The following ZNF805 variants were observed in gnomAD, a reference collection of about 807,000 sequenced individuals.
ZNF805 encodes the protein CTC-444N24.8.
In ZNF805, 7 loss-of-function variants were observed where a neutral mutation model predicts 13.6. The ratio of observed to expected loss-of-function variants is 0.51; its 90% confidence interval spans 0.29 to 0.97. The LOEUF is 0.97. Among genes scored for constraint, ZNF805 ranks in the 50% least tolerant of loss-of-function variants. The probability of loss-of-function intolerance (pLI) is 0.08; values close to 1 mark genes in which losing one functional copy is unlikely to be tolerated. For synonymous variants in ZNF805, 293 were observed against 279.8 expected, an observed-to-expected ratio of 1.05 and a Z score of -0.47; for missense variants, 604 against 771.0, an observed-to-expected ratio of 0.78 and a Z score of 2.57.
intron 2 of ZNF805, among the ~76,000 whole-genome samples, chr19:57,245,651 T>A (rs7249763): frequency 6.7e-6 from 1 of 148,466 alleles, no homozygotes; most frequent in Non-Finnish European, 1.5e-5. Context: ...TGGTGGCGGG[T>A]GCCTGTAGTC....
rs2087671302 is a variant in ZNF805 at position 57,254,182 on chromosome 19, T to C, written c.1363T>C (p.Phe455Leu). 6.2e-7 allele frequency: 1 copy of C among 1,613,594 alleles called. No individual in the cohort carries two copies. The highest frequency in any genetic ancestry group is 8.5e-7 in the Non-Finnish European group (1 of 1,179,986). ...AAGGGCCCACACTGGAGAAAAACCT[T>C]TCGAGTGCAAAGAGTGTGGGAAAGC... ...HKRAHTGEKPFECKECGKAFS... is the reference protein window; with the variant it reads ...HKRAHTGEKPLECKECGKAFS... Residue 455 changes from phenylalanine to leucine, a missense_variant, in exon 4 of 4, where the codon TTC becomes CTC. By Grantham distance (22) the Phe-to-Leu change is conservative. Transcript: ENST00000414468.
At chr19:57,246,731 G>A (rs893911415) in intron 2 of ZNF805, among the ~76,000 whole-genome samples, 4 of 149,638 alleles carry the variant, frequency 2.7e-5, no homozygotes, top group Admixed American at 2.7e-4. Context: ...AGCTGAGATC[G>A]CGCTACTGCA....
intron 2 of ZNF805, among the ~76,000 whole-genome samples, chr19:57,245,885 G>C (rs189475084): frequency 6.6e-6 from 1 of 151,914 alleles, no homozygotes; most frequent in African/African-American, 2.4e-5. Flanking sequence ...CTCTTCCCCC[G>C]ATCTCACAAA....
At chr19:57,245,533 A>G (rs1486498607) in intron 2 of ZNF805, among the ~76,000 whole-genome samples, 27 of 151,822 alleles carry the variant, frequency 1.8e-4, no homozygotes, top group East Asian at 1.7e-3. Flanking sequence ...TAATCCCAGC[A>G]CTTTGGGAGG....
At position 57,260,354 on chromosome 19, in the gene ZNF805, A is replaced by G. The variant is rs890154226; in HGVS notation, c.*5651A>G. ...TCTGGTTATTCTTTCTTCCACACAC[A>G]TGCCCTGAGTAACTATTCTGTGCAC... On this transcript the variant is annotated 3_prime_UTR_variant, in exon 4 of 4. Transcript: ENST00000414468. 1.3e-5 allele frequency among the ~76,000 whole-genome samples: 2 copies of G among 152,068 alleles called. No individual in the cohort carries two copies. Among genetic ancestry groups the G allele is most frequent in the East Asian group, 1.9e-4 (1 of 5,192 alleles).
intron 3 of ZNF805, among the ~76,000 whole-genome samples, chr19:57,251,735 A>C (rs2087653582): frequency 6.6e-6 from 1 of 152,198 alleles, no homozygotes; most frequent in South Asian, 2.1e-4. Flanking sequence ...GTAAGTTGTA[A>C]AACTTGCCAT....
Position 57,254,671 on chromosome 19 carries a change from CAA to C in ZNF805, c.1854_1855del (p.Glu620AsnfsTer25), listed in dbSNP as rs763447581. ...ASYMASDRTY[Q>X]RETPQVSSL The stretch of plus-strand genomic sequence containing the variant: ...TTACATGGCATCTGATCGTACATAC[CAA>C]AGAGAAACCCCACAAGTGTCTTCAC... On this transcript the variant is annotated frameshift_variant, in exon 4 of 4. Transcript: ENST00000414468. LOFTEE classifies it high-confidence loss of function. The C allele has an allele frequency of 7.4e-6, 12 of 1,612,996 alleles. No individual in the cohort carries two copies. Among genetic ancestry groups the C allele is most frequent in the Non-Finnish European group, 1.0e-5 (12 of 1,179,558 alleles).
At chr19:57,245,606 T>C (rs7507587) in intron 2 of ZNF805, among the ~76,000 whole-genome samples, 38,108 of 141,750 alleles carry the variant, frequency 0.27, 5,792 homozygotes, top group East Asian at 0.51. Flanking sequence ...GGTGCAACCC[T>C]GTCTCTACTA....
chr19:57,254,455 AAGGCCTTC>A lies in ZNF805; in HGVS notation c.1639_1646del (p.Ala547SerfsTer51). ...GCCGTATGAGTGCAGTGAATGTGGAAAGGCCTTCAGTCGCAGCTCGTCCCTCACTCAGC... is the reference window on the plus strand; with the variant it reads ...GCCGTATGAGTGCAGTGAATGTGGAAAGTCGCAGCTCGTCCCTCACTCAGC... On this transcript the variant is annotated frameshift_variant, in exon 4 of 4. Transcript: ENST00000414468. LOFTEE classifies it low-confidence loss of function (END_TRUNC). 1 of 1,614,256 alleles carries A rather than the reference AAGGCCTTC, an allele frequency of 6.2e-7. No homozygotes were observed. The highest frequency in any genetic ancestry group is 1.1e-5 in the South Asian group (1 of 91,086).
Position 57,254,039 on chromosome 19 carries a change from C to G in ZNF805, c.1220C>G (p.Ala407Gly). Reference sequence around the variant, plus strand: ...TTTGAGTGCCTCGAGTGTGGGAAGGCTTTCAACCACCGATCCTACCTCAAA... The same window carrying G: ...TTTGAGTGCCTCGAGTGTGGGAAGGGTTTCAACCACCGATCCTACCTCAAA... ...KPFECLECGK[A>G]FNHRSYLKRH... is the part of the protein sequence containing the mutation. The change falls in exon 4 of 4, where the codon GCT becomes GGT. Residue 407 changes from alanine to glycine, a missense_variant. Ala to Gly is a moderately conservative substitution (Grantham distance 60, BLOSUM62 0). Coordinates refer to ENST00000414468, the MANE Select transcript of ZNF805 (RefSeq NM_001023563.4). 6.2e-7 allele frequency: 1 copy of G among 1,613,424 alleles called. No individual in the cohort carries two copies. Among genetic ancestry groups the G allele is most frequent in the Non-Finnish European group, 8.5e-7 (1 of 1,179,706 alleles).
chr19:57,241,240 C>G (rs2087578098), intron 1 of ZNF805, among the ~76,000 whole-genome samples: 1 of 152,052 alleles, frequency 6.6e-6, no homozygotes, highest in Non-Finnish European at 1.5e-5. Flanking sequence ...GTTAGTCTTG[C>G]AAGGAGCTAG....
chr19:57,246,483 T>A (rs1443992776), intron 2 of ZNF805, among the ~76,000 whole-genome samples: 1 of 152,084 alleles, frequency 6.6e-6, no homozygotes, highest in African/African-American at 2.4e-5. Context: ...GTGGATCACT[T>A]TTAAGAAAAG....
At chr19:57,246,217 C>T (rs1261491769) in intron 2 of ZNF805, among the ~76,000 whole-genome samples, 2 of 152,158 alleles carry the variant, frequency 1.3e-5, no homozygotes, top group South Asian at 2.1e-4. Flanking sequence ...GCTGTTGCCT[C>T]GGCTGGAGTG....
In ZNF805 at chr19:57,262,203, TTC is replaced by T. The variant is rs1438713906; in HGVS notation, c.*7504_*7505del. Reference sequence around the variant, plus strand: ...GAATAGCAGTCTCTGGCCTGCTCTGTTCTCTTTTTCACAGTAACTTAAATGGA... The same window carrying T: ...GAATAGCAGTCTCTGGCCTGCTCTGTTCTTTTTCACAGTAACTTAAATGGA... On this transcript the variant is annotated 3_prime_UTR_variant, in exon 4 of 4. Transcript: ENST00000414468. The T allele has an allele frequency of 6.0e-6, 1 of 167,100 alleles. No homozygotes were observed. The highest frequency in any genetic ancestry group is 1.5e-5 in the Non-Finnish European group (1 of 68,124). The allele number at this position is 167,100 out of a possible 1,614,324, so 10.4% of individuals were successfully genotyped here.
rs927877952 is a variant in ZNF805 at position 57,261,201 on chromosome 19, T to C, written c.*6498T>C. On this transcript the variant is annotated 3_prime_UTR_variant, in exon 4 of 4. Coordinates refer to ENST00000414468, the MANE Select transcript of ZNF805 (RefSeq NM_001023563.4). ...ATTTATTTATAATCTACTATTCTTA[T>C]TTGACAGTACATCTTGGCCATTCCT... Among the ~76,000 whole-genome samples the C allele has an allele frequency of 6.6e-6, 1 of 152,212 alleles. No individual in the cohort carries two copies. Among genetic ancestry groups the C allele is most frequent in the Non-Finnish European group, 1.5e-5 (1 of 68,040 alleles).
At position 57,246,156 on chromosome 19, in the gene ZNF805, G is replaced by A. The variant is rs188644176; in HGVS notation, c.157+2107G>A. Among the ~76,000 whole-genome samples the A allele has an allele frequency of 1.5e-3, 231 of 152,292 alleles. 4 individuals are homozygous for A. The highest frequency in any genetic ancestry group is 0.015 in the Admixed American group (227 of 15,298). On this transcript the variant is annotated intron_variant, in intron 2 of 3. Coordinates refer to ENST00000414468, the MANE Select transcript of ZNF805 (RefSeq NM_001023563.4). ...GCTCACAGCCCTGAACAAGCAGCAT[G>A]AGCTCACAGGGACCAAAGAGCACTG...
Position 57,259,579 on chromosome 19 carries a change from T to C in ZNF805, c.*4876T>C, listed in dbSNP as rs2087711214. Among the ~76,000 whole-genome samples, 1 of 152,214 alleles carries C rather than the reference T, an allele frequency of 6.6e-6. No homozygotes were observed. On this transcript the variant is annotated 3_prime_UTR_variant, in exon 4 of 4. Transcript: ENST00000414468. ...TGGAGTGCAGTGGCGCGATCTCTGCTCACTGCAAGCTCTGCCTCCCGGGTT... is the reference window on the plus strand; with the variant it reads ...TGGAGTGCAGTGGCGCGATCTCTGCCCACTGCAAGCTCTGCCTCCCGGGTT...
chr19:57,256,802 A>G lies in ZNF805; in HGVS notation c.*2099A>G, dbSNP rs2087690002. Among the ~76,000 whole-genome samples, 1 of 152,094 alleles carries G rather than the reference A, an allele frequency of 6.6e-6. No homozygotes were observed. Among genetic ancestry groups the G allele is most frequent in the Non-Finnish European group, 1.5e-5 (1 of 67,996 alleles). On this transcript the variant is annotated 3_prime_UTR_variant, in exon 4 of 4. Coordinates refer to ENST00000414468, the MANE Select transcript of ZNF805 (RefSeq NM_001023563.4). ...AGTCTCTGTTCTTAATTTCACTGAT[A>G]TCTGCTCTGATGTGTATTGTATCCT...
At chr19:57,243,690 G>C (rs1192241354) in intron 1 of ZNF805, among the ~76,000 whole-genome samples, 2 of 152,170 alleles carry the variant, frequency 1.3e-5, no homozygotes, top group Non-Finnish European at 1.5e-5. Flanking sequence ...CCATCCACGA[G>C]TTATTGCCAT....
Sources: gnomAD v4.1 joint callset for allele counts (sites outside exome capture counted in the v4.1 genomes callset) on GRCh38, gnomAD v4.1.1 for gene constraint, MANE v1.5 for transcripts, NCBI Gene and HGNC (gene_info 2026-07-23, HGNC 2026-07-21) for gene names.